Variants in PSTPIP2 observed in about 807,000 individuals in gnomAD.
PSTPIP2 encodes proline-serine-threonine phosphatase-interacting protein 2.
A neutral mutation model predicts 63.3 loss-of-function variants in PSTPIP2; 33 were observed. That is an observed-to-expected ratio of 0.52 (90% CI 0.40 to 0.70). The LOEUF (loss-of-function observed/expected upper bound fraction) is 0.70. PSTPIP2 is among the 30% of genes least tolerant of loss of function. The probability of loss-of-function intolerance (pLI) is 0.00; values close to 1 mark genes in which losing one functional copy is unlikely to be tolerated. For synonymous variants in PSTPIP2, 125 were observed against 132.7 expected, an observed-to-expected ratio of 0.94 and a Z score of 0.40; for missense variants, 312 against 400.7, an observed-to-expected ratio of 0.78 and a Z score of 1.89.
chr18:46,035,672 T>C (rs1385789620), intron 2 of PSTPIP2, among the ~76,000 whole-genome samples: 5 of 150,964 alleles, frequency 3.3e-5, no homozygotes, highest in South Asian at 4.2e-4. Context: ...AAAGGGAGAG[T>C]GTGTCTGTGC....
chr18:46,034,755 C>T (rs1040023534), intron 2 of PSTPIP2, among the ~76,000 whole-genome samples: 2 of 152,098 alleles, frequency 1.3e-5, no homozygotes, highest in African/African-American at 4.8e-5. Context: ...AGTTCCATAG[C>T]CTCTCTGAAC....
At chr18:45,999,349 G>T in intron 7 of PSTPIP2, 87 bp downstream of exon 7, 1 of 1,254,882 alleles carries the variant, frequency 8.0e-7, no homozygotes, top group Non-Finnish European at 1.2e-6. Context: ...TTAGGATACA[G>T]GTTCATTTCT....
chr18:46,060,012 CA>C (rs1470318053), intron 1 of PSTPIP2, among the ~76,000 whole-genome samples: 1 of 152,180 alleles, frequency 6.6e-6, no homozygotes, highest in Non-Finnish European at 1.5e-5. Flanking sequence ...GACTGGGCAA[CA>C]AGAGTGAAAC....
At chr18:46,040,250 G>A (rs1464567228) in intron 1 of PSTPIP2, 1 of 449,176 alleles carries the variant, frequency 2.2e-6, no homozygotes, top group Non-Finnish European at 4.0e-6. Context: ...TTCCTTCAAG[G>A]AAAATTCCAG....
chr18:46,016,881 A>G (rs1568217745), intron 3 of PSTPIP2, among the ~76,000 whole-genome samples: 1 of 152,226 alleles, frequency 6.6e-6, no homozygotes, highest in East Asian at 1.9e-4. Flanking sequence ...CTAACAAGTT[A>G]TAAGCTTTTA....
chr18:46,069,719 C>A (rs376378676), intron 1 of PSTPIP2, among the ~76,000 whole-genome samples: 197 of 152,284 alleles, frequency 1.3e-3, no homozygotes, highest in African/African-American at 4.1e-3. Flanking sequence ...TGTACAAACA[C>A]GTTTGACCAC....
At chr18:46,072,073 G>A in intron 1 of PSTPIP2, 83 bp downstream of exon 1, 2 of 1,472,178 alleles carry the variant, frequency 1.4e-6, no homozygotes, top group East Asian at 2.9e-5. Flanking sequence ...CCGGAGCTGG[G>A]GAGCCCCCCA....
At chr18:45,994,583 C>T (rs992743019) in intron 9 of PSTPIP2, among the ~76,000 whole-genome samples, 4 of 152,042 alleles carry the variant, frequency 2.6e-5, no homozygotes, top group Non-Finnish European at 5.9e-5. Context: ...ATTTTGAATG[C>T]CTTTTAAAAT....
At chr18:46,051,873 C>T (rs1028485434) in intron 1 of PSTPIP2, among the ~76,000 whole-genome samples, 2 of 152,176 alleles carry the variant, frequency 1.3e-5, no homozygotes, top group African/African-American at 2.4e-5. Flanking sequence ...AGGTGAACAA[C>T]CACATATATC....
At chr18:46,027,343 AAAAT>A (rs1316070825) in intron 2 of PSTPIP2, among the ~76,000 whole-genome samples, 1 of 148,868 alleles carries the variant, frequency 6.7e-6, no homozygotes, top group African/African-American at 2.5e-5. Flanking sequence ...TAAATAAATA[AAAAT>A]ATTAAAAAAA....
chr18:46,053,099 A>G (rs1030632633), intron 1 of PSTPIP2, among the ~76,000 whole-genome samples: 5 of 152,134 alleles, frequency 3.3e-5, no homozygotes, highest in African/African-American at 1.2e-4. Flanking sequence ...ACCAGTGTCC[A>G]TTGTTTATTC....
chr18:46,067,008 C>T (rs938026151), intron 1 of PSTPIP2, among the ~76,000 whole-genome samples: 1 of 125,916 alleles, frequency 7.9e-6, no homozygotes, highest in African/African-American at 3.1e-5. Context: ...GCCTGGGCAA[C>T]AAAAGTGAAA....
chr18:46,006,176 C>G (rs1399090584), intron 5 of PSTPIP2, among the ~76,000 whole-genome samples: 1 of 151,912 alleles, frequency 6.6e-6, no homozygotes, highest in African/African-American at 2.4e-5. Flanking sequence ...GCCTCAGCCT[C>G]CAGAGTAGCT....
intron 1 of PSTPIP2, among the ~76,000 whole-genome samples, chr18:46,051,330 G>C (rs1225277014): frequency 6.6e-6 from 1 of 152,100 alleles, no homozygotes; most frequent in African/African-American, 2.4e-5. Flanking sequence ...ACAAAAATTA[G>C]CTGGGTGCAT....
rs532444885 is a variant in PSTPIP2, at chr18:46,049,536, T to C, written c.34-9489A>G. Among the ~76,000 whole-genome samples, 261 of 152,156 alleles carry C rather than the reference T, an allele frequency of 1.7e-3. 1 individual carries two copies. Among genetic ancestry groups the C allele is most frequent in the Middle Eastern group, 3.4e-3 (1 of 294 alleles). ...AATAAGGAGGAAAAAAGAGCAATAATATTTAATCAAAGATTAATGTGCATA... is the reference window on the plus strand; with the variant it reads ...AATAAGGAGGAAAAAAGAGCAATAACATTTAATCAAAGATTAATGTGCATA... On this transcript the variant is annotated intron_variant, in intron 1 of 14. Coordinates refer to ENST00000409746, the MANE Select transcript of PSTPIP2 (RefSeq NM_024430.4).
intron 1 of PSTPIP2, among the ~76,000 whole-genome samples, chr18:46,047,321 T>A (rs1908415899): frequency 6.6e-6 from 1 of 152,170 alleles, no homozygotes; most frequent in Non-Finnish European, 1.5e-5. Context: ...ATACCTGTAA[T>A]CTCAGCAGTT....
chr18:46,020,421 G>GAGGC (rs1160582128), intron 3 of PSTPIP2, among the ~76,000 whole-genome samples: 1 of 152,166 alleles, frequency 6.6e-6, no homozygotes, highest in Non-Finnish European at 1.5e-5. Context: ...TTGGGAGGCT[G>GAGGC]AGGCAGGTGG....
chr18:46,009,393 C>CAAAAAAAA (rs2051770698), intron 5 of PSTPIP2, among the ~76,000 whole-genome samples: 1 of 12,392 alleles, frequency 8.1e-5, no homozygotes, highest in African/African-American at 4.7e-4. Flanking sequence ...AAAAAAAAAC[C>CAAAAAAAA]TAGCTAAATA....
intron 1 of PSTPIP2, 121 bp downstream of exon 1, chr18:46,072,035 C>T (rs774398711): frequency 8.5e-5 from 108 of 1,273,520 alleles, no homozygotes; most frequent in Non-Finnish European, 1.1e-4. Flanking sequence ...CTCCGCCAAG[C>T]CCCCGGGCGC....
Sources: allele counts gnomAD v4.1 joint callset (sites outside exome capture counted in the v4.1 genomes callset), GRCh38; gene constraint gnomAD v4.1.1; transcripts MANE v1.5; gene names NCBI Gene and HGNC (gene_info 2026-07-23, HGNC 2026-07-21).